The following IL1RAPL2 variants were observed in gnomAD, a reference collection of about 807,000 sequenced individuals.
The protein encoded by IL1RAPL2 is interleukin 1 receptor accessory protein like 2, also known as X-linked interleukin-1 receptor accessory protein-like 2.
In IL1RAPL2, 3 loss-of-function variants were observed where a neutral mutation model predicts 44.1. The observed-to-expected ratio is 0.07, with a 90% CI of 0.03 to 0.18. The LOEUF (loss-of-function observed/expected upper bound fraction) is 0.18, where lower values mean the gene tolerates loss of function less well. IL1RAPL2 is among the 10% of genes least tolerant of loss of function. IL1RAPL2 has a pLI of 1.00. For synonymous variants in IL1RAPL2, 181 were observed against 178.8 expected, an observed-to-expected ratio of 1.01 and a Z score of -0.10; for missense variants, 391 against 496.4, an observed-to-expected ratio of 0.79 and a Z score of 2.02.
intron 2 of IL1RAPL2, among the ~76,000 whole-genome samples, chrX:104,677,561 C>T (rs976236945): frequency 3.6e-5 from 4 of 112,282 alleles, no homozygotes; most frequent in Non-Finnish European, 7.5e-5. Context: ...TTTGTCTGTG[C>T]CCTGCCCCCA....
At chrX:104,705,422 A>C (rs1931348448) in intron 2 of IL1RAPL2, among the ~76,000 whole-genome samples, 2 of 111,443 alleles carry the variant, frequency 1.8e-5, no homozygotes, top group Non-Finnish European at 3.8e-5. Flanking sequence ...TCTGGAAATC[A>C]GGGCCCATGA....
intron 5 of IL1RAPL2, among the ~76,000 whole-genome samples, chrX:105,407,303 G>A (rs2035654146): frequency 9.0e-6 from 1 of 110,642 alleles, no homozygotes; most frequent in African/African-American, 3.3e-5. Flanking sequence ...TTTTGAACGG[G>A]GTAGGGGGGT....
intron 2 of IL1RAPL2, among the ~76,000 whole-genome samples, chrX:105,082,866 A>T (rs931290981): frequency 4.5e-5 from 5 of 111,501 alleles, no homozygotes; most frequent in African/African-American, 1.6e-4. Flanking sequence ...AAAAGGCTGA[A>T]AATTCCAAAA....
Position 105,507,670 on chromosome X carries a change from T to A in IL1RAPL2, c.772+23283T>A, listed in dbSNP as rs2036440676. Among the ~76,000 whole-genome samples the A allele has an allele frequency of 2.7e-5, 3 of 111,837 alleles. No homozygotes were observed. The Admixed American group carries it at 2.9e-4, about 11-fold the overall frequency. Reference sequence around the variant, plus strand: ...ATAGTGCTACATTTATCAATCCTACTCTTGAAACTTTCTCAGGGATCTCAG... The same window carrying A: ...ATAGTGCTACATTTATCAATCCTACACTTGAAACTTTCTCAGGGATCTCAG... On this transcript the variant is annotated intron_variant, in intron 6 of 10. Coordinates refer to ENST00000372582, the MANE Select transcript of IL1RAPL2 (RefSeq NM_017416.2).
chrX:104,757,728 A>G (rs2147587425), intron 2 of IL1RAPL2, among the ~76,000 whole-genome samples: 1 of 111,788 alleles, frequency 8.9e-6, no homozygotes, highest in African/African-American at 3.2e-5. Context: ...GTTTTTCCAT[A>G]TTTCCCATAT....
intron 2 of IL1RAPL2, among the ~76,000 whole-genome samples, chrX:105,143,906 G>T (rs1298911949): frequency 9.1e-6 from 1 of 110,071 alleles, no homozygotes; most frequent in Non-Finnish European, 1.9e-5. Flanking sequence ...GAGTTAATGG[G>T]TGCAGCACAC....
chrX:104,709,554 C>T (rs1275566024), intron 2 of IL1RAPL2, among the ~76,000 whole-genome samples: 2 of 110,445 alleles, frequency 1.8e-5, no homozygotes, highest in Non-Finnish European at 3.8e-5. Flanking sequence ...ATTGCCTTTC[C>T]CCTACTCCCC....
rs2147575834 is a variant in IL1RAPL2 at position 105,740,585 on chromosome X, G to A, written c.942G>A (p.Leu314=). 10 of 1,208,117 alleles carry A rather than the reference G, an allele frequency of 8.3e-6. No homozygotes were observed. Among genetic ancestry groups the A allele is most frequent in the Non-Finnish European group, 1.0e-5 (9 of 892,808 alleles). The change falls in exon 8 of 11, where the codon TTG becomes TTA. Residue 314 remains leucine, a synonymous_variant. Coordinates refer to ENST00000372582, the MANE Select transcript of IL1RAPL2 (RefSeq NM_017416.2). ...ATCTTGGAGAAAAAGAAGTTGAATT[G>A]GCACTCATCTTTGACTCAGTTGTGG... ...KEHLGEKEVE[L]ALIFDSVVEA... is the part of the protein sequence containing the mutation.
At chrX:105,422,857 C>T (rs994206799) in intron 5 of IL1RAPL2, among the ~76,000 whole-genome samples, 5 of 110,486 alleles carry the variant, frequency 4.5e-5, no homozygotes, top group African/African-American at 1.6e-4. Context: ...TTATCAGAAA[C>T]TTGTATTCAA....
Position 105,028,896 on chromosome X carries a change from C to T in IL1RAPL2, c.83-166579C>T, listed in dbSNP as rs186642107. Among the ~76,000 whole-genome samples the T allele has an allele frequency of 1.4e-3, 155 of 110,231 alleles. 2 individuals carry two copies. The highest frequency in any genetic ancestry group is 3.8e-3 in the South Asian group (10 of 2,619). ...TTCAATTTATATATATGAGGGGTTA[C>T]GAGCATAAATACATGCTCCTGGAGC... is the stretch of plus-strand genomic sequence containing the variant. On this transcript the variant is annotated intron_variant, in intron 2 of 10. Coordinates refer to ENST00000372582, the MANE Select transcript of IL1RAPL2 (RefSeq NM_017416.2).
chrX:104,592,217 C>A (rs1267035069), intron 1 of IL1RAPL2, among the ~76,000 whole-genome samples: 1 of 89,945 alleles, frequency 1.1e-5, no homozygotes, highest in African/African-American at 4.3e-5. Context: ...TGAAGTGGGG[C>A]AGAGGTATTC....
chrX:104,885,123 T>C (rs762795843), intron 2 of IL1RAPL2, among the ~76,000 whole-genome samples: 1 of 112,036 alleles, frequency 8.9e-6, no homozygotes, highest in East Asian at 2.8e-4. Flanking sequence ...TGTCATGCTA[T>C]TGTAAGATCA....
intron 5 of IL1RAPL2, among the ~76,000 whole-genome samples, chrX:105,368,997 T>C: frequency 9.1e-6 from 1 of 109,293 alleles, no homozygotes; most frequent in East Asian, 2.9e-4. Context: ...AGTTAATATA[T>C]TCTTTTGCTC....
intron 5 of IL1RAPL2, among the ~76,000 whole-genome samples, chrX:105,439,032 C>A (rs760084936): frequency 2.7e-5 from 3 of 111,107 alleles, no homozygotes; most frequent in Non-Finnish European, 5.7e-5. Context: ...CCCTGGCACT[C>A]CCTCTCTCTC....
At chrX:104,723,205 T>C (rs750232821) in intron 2 of IL1RAPL2, among the ~76,000 whole-genome samples, 1 of 111,539 alleles carries the variant, frequency 9.0e-6, no homozygotes, top group South Asian at 3.8e-4. Flanking sequence ...AACTGCTAGA[T>C]TGAGTCTTGC....
intron 2 of IL1RAPL2, among the ~76,000 whole-genome samples, chrX:105,079,308 C>G (rs2032366094): frequency 9.1e-6 from 1 of 110,252 alleles, no homozygotes; most frequent in South Asian, 4.0e-4. Flanking sequence ...ACCTAGCAAT[C>G]CTATTACTGG....
chrX:104,879,781 C>T (rs978123935), intron 2 of IL1RAPL2, among the ~76,000 whole-genome samples: 9 of 111,476 alleles, frequency 8.1e-5, no homozygotes, highest in Non-Finnish European at 1.7e-4. Context: ...TGTTTCAGGA[C>T]AGGATCTCAT....
At chrX:105,546,027 C>T (rs2036794529) in intron 6 of IL1RAPL2, among the ~76,000 whole-genome samples, 2 of 111,383 alleles carry the variant, frequency 1.8e-5, no homozygotes, top group Non-Finnish European at 3.8e-5. Context: ...ACTGACAACA[C>T]GGTTGGGCAT....
At chrX:105,227,970 T>C (rs1334018917) in intron 3 of IL1RAPL2, among the ~76,000 whole-genome samples, 1 of 111,850 alleles carries the variant, frequency 8.9e-6, no homozygotes, top group Non-Finnish European at 1.9e-5. Flanking sequence ...GAAAACCTTA[T>C]TTTTCTAATG....
Sources: allele counts gnomAD v4.1 joint callset (sites outside exome capture counted in the v4.1 genomes callset), GRCh38; gene constraint gnomAD v4.1.1; transcripts MANE v1.5; gene names NCBI Gene and HGNC (gene_info 2026-07-23, HGNC 2026-07-21).